GRM8: variants seen among roughly 807,000 people sequenced by gnomAD.
The protein encoded by GRM8 is metabotropic glutamate receptor 8.
GRM8 carries 47 observed loss-of-function variants against 87.2 expected under a neutral mutation model. The ratio of observed to expected loss-of-function variants is 0.54; its 90% CI spans 0.43 to 0.69. The LOEUF is 0.69. Among genes scored for constraint, GRM8 ranks in the 30% least tolerant of loss-of-function variants. The pLI is 0.00. For synonymous variants in GRM8, 396 were observed against 404.5 expected (o/e 0.98, Z 0.25); for missense variants, 1,019 against 1,139.2 (o/e 0.89, Z 1.52).
intron 9 of GRM8, among the ~76,000 whole-genome samples, 164 bp downstream of exon 9, chr7:126,532,764 GATATATATATATATATATATATAT>G (rs521): frequency 0.23 from 25,195 of 111,030 alleles, 3,317 homozygotes; most frequent in Admixed American, 0.24. Context: ...GACGGATGGA[GATATATATATATATATATATATAT>G]ATATATATAT....
chr7:126,813,472 A>G (rs1180440352), intron 6 of GRM8, among the ~76,000 whole-genome samples: 2 of 152,138 alleles, frequency 1.3e-5, no homozygotes, highest in Non-Finnish European at 2.9e-5. Context: ...CACTGGAGAC[A>G]TGAATAACTT....
At chr7:127,149,294 C>T (rs2133306076) in intron 2 of GRM8, among the ~76,000 whole-genome samples, 1 of 151,728 alleles carries the variant, frequency 6.6e-6, no homozygotes, top group East Asian at 1.9e-4. Context: ...ATAAAAATGG[C>T]CAATAGATAG....
At chr7:126,783,733 G>T (rs1037690331) in intron 6 of GRM8, among the ~76,000 whole-genome samples, 46 of 152,106 alleles carry the variant, frequency 3.0e-4, no homozygotes, top group African/African-American at 1.1e-3. Flanking sequence ...TCTTCACATG[G>T]ACTGGCAGGA....
chr7:126,889,970 G>T (rs1392479149), intron 6 of GRM8, among the ~76,000 whole-genome samples: 3 of 152,018 alleles, frequency 2.0e-5, no homozygotes, highest in African/African-American at 7.2e-5. Flanking sequence ...TGTTCTATAG[G>T]TCTATCACCC....
At chr7:126,561,616 T>A (rs1006747804) in intron 8 of GRM8, among the ~76,000 whole-genome samples, 3 of 151,942 alleles carry the variant, frequency 2.0e-5, no homozygotes, top group South Asian at 4.1e-4. Context: ...TTTATTTTTT[T>A]ATTATTTATT....
intron 2 of GRM8, among the ~76,000 whole-genome samples, chr7:127,212,627 C>T (rs930268347): frequency 1.3e-5 from 2 of 151,940 alleles, no homozygotes; most frequent in African/African-American, 4.8e-5. Context: ...CCGTTTTAGC[C>T]GGGATGGTCT....
At chr7:126,620,830 AT>A (rs1355804899) in intron 7 of GRM8, among the ~76,000 whole-genome samples, 1 of 152,226 alleles carries the variant, frequency 6.6e-6, no homozygotes, top group African/African-American at 2.4e-5. Flanking sequence ...GCAAAACACA[AT>A]GTAAAAATAA....
intron 3 of GRM8, among the ~76,000 whole-genome samples, chr7:127,025,324 A>T (rs577046187): frequency 6.6e-6 from 1 of 152,162 alleles, no homozygotes; most frequent in South Asian, 2.1e-4. Flanking sequence ...TTCCTCAGAC[A>T]CTAGACCCTT....
intron 6 of GRM8, among the ~76,000 whole-genome samples, chr7:126,782,261 G>T (rs1018587242): frequency 6.6e-6 from 1 of 152,122 alleles, no homozygotes; most frequent in Non-Finnish European, 1.5e-5. Context: ...CATTAACCTA[G>T]TCCAATTCTA....
chr7:127,105,745 T>A (rs1449723981), intron 3 of GRM8, among the ~76,000 whole-genome samples: 5 of 152,228 alleles, frequency 3.3e-5, no homozygotes, highest in Non-Finnish European at 7.3e-5. Context: ...CATACTTAAT[T>A]CACAAAGATA....
At chr7:126,754,000 A>G (rs373302542) in intron 7 of GRM8, among the ~76,000 whole-genome samples, 114 of 152,044 alleles carry the variant, frequency 7.5e-4, no homozygotes, top group African/African-American at 2.5e-3. Context: ...ACAAAGAGAA[A>G]TACTTAAAAT....
chr7:127,241,889 A>G (rs1798324167), intron 2 of GRM8, among the ~76,000 whole-genome samples: 2 of 152,258 alleles, frequency 1.3e-5, no homozygotes, highest in South Asian at 4.1e-4. Context: ...TTAATAAATA[A>G]AATGAGAAAG....
intron 3 of GRM8, among the ~76,000 whole-genome samples, chr7:126,914,706 T>A (rs1803701040): frequency 6.6e-6 from 1 of 152,120 alleles, no homozygotes; most frequent in Non-Finnish European, 1.5e-5. Flanking sequence ...CTTATAAGTG[T>A]GAGCTAAATC....
At chr7:126,917,116 C>T (rs1803990192) in intron 3 of GRM8, among the ~76,000 whole-genome samples, 1 of 152,162 alleles carries the variant, frequency 6.6e-6, no homozygotes, top group African/African-American at 2.4e-5. Flanking sequence ...GCTAGGACTA[C>T]AGGTGTGTGC....
intron 8 of GRM8, among the ~76,000 whole-genome samples, chr7:126,555,161 A>G (rs1046950066): frequency 6.6e-6 from 1 of 152,256 alleles, no homozygotes; most frequent in Non-Finnish European, 1.5e-5. Flanking sequence ...TATCTTTTTG[A>G]TAGATTCATA....
At chr7:126,860,675 A>T (rs908574168) in intron 6 of GRM8, among the ~76,000 whole-genome samples, 7 of 152,182 alleles carry the variant, frequency 4.6e-5, no homozygotes, top group Non-Finnish European at 7.4e-5. Flanking sequence ...TCTTTTAAAC[A>T]GCGGCAGATT....
chr7:127,223,152 AC>A (rs1358178742), intron 2 of GRM8, among the ~76,000 whole-genome samples: 7 of 152,116 alleles, frequency 4.6e-5, no homozygotes, highest in African/African-American at 1.7e-4. Flanking sequence ...ATAAGAAGAC[AC>A]CGAAAGGTGG....
intron 8 of GRM8, among the ~76,000 whole-genome samples, chr7:126,566,447 T>G (rs1794223386): frequency 6.6e-6 from 1 of 152,112 alleles, no homozygotes; most frequent in African/African-American, 2.4e-5. Flanking sequence ...TCCTGATGAT[T>G]TGCATAATCA....
At chr7:126,861,052 A>T (rs982085781) in intron 6 of GRM8, among the ~76,000 whole-genome samples, 16 of 152,138 alleles carry the variant, frequency 1.1e-4, no homozygotes, top group African/African-American at 3.6e-4. Flanking sequence ...ATGCTCAGAC[A>T]TGCATTTCCC....
Sources: allele counts gnomAD v4.1 joint callset (sites outside exome capture counted in the v4.1 genomes callset), GRCh38; gene constraint gnomAD v4.1.1; transcripts MANE v1.5; gene names NCBI Gene and HGNC (gene_info 2026-07-23, HGNC 2026-07-21).